The following ZBTB20 variants were observed in gnomAD, a reference collection of about 807,000 sequenced individuals.
The protein encoded by ZBTB20 is zinc finger and BTB domain containing 20.
In ZBTB20, 9 loss-of-function variants were observed where a neutral mutation model predicts 56.9. The observed-to-expected ratio is 0.16, with a 90% CI of 0.10 to 0.28. The LOEUF (loss-of-function observed/expected upper bound fraction) is 0.28, where lower values mean the gene tolerates loss of function less well. Ranked by LOEUF, ZBTB20 falls within the 10% of genes least tolerant of loss-of-function variation. The probability of loss-of-function intolerance (pLI) is 1.00; values close to 1 mark genes in which losing one functional copy is unlikely to be tolerated. For missense variants in ZBTB20, 655 were observed against 1,003.0 expected (o/e 0.65, Z 4.69); for synonymous variants, 417 against 420.7 (o/e 0.99, Z 0.11).
chr3:114,333,053 T>A lies in ZBTB20; in HGVS notation c.*5952A>T, dbSNP rs1207935539. On this transcript the variant is annotated 3_prime_UTR_variant, in exon 12 of 12. Coordinates refer to ENST00000675478, the MANE Select transcript of ZBTB20 (RefSeq NM_001348800.3). ...GGATCGGCTAAGGTACATTGCTGAC[T>A]GCTATAGACTCAGTGTTCAAGGAGA... 6.6e-6 allele frequency: 1 copy of A among 152,200 alleles called. No homozygotes were observed. The highest frequency in any genetic ancestry group is 2.4e-5 in the African/African-American group (1 of 41,450). The allele number at this position is 152,200 out of a possible 1,614,324, so 9.4% of individuals were successfully genotyped here. A position where few individuals can be genotyped will look rare whatever the true frequency, so the allele number is the denominator to read the frequency against.
chr3:114,932,920 T>C (rs951865293), intron 3 of ZBTB20, among the ~76,000 whole-genome samples: 1 of 152,216 alleles, frequency 6.6e-6, no homozygotes, highest in East Asian at 1.9e-4. Context: ...ATGCTAGTTC[T>C]AAGCCAAGGC....
intron 4 of ZBTB20, among the ~76,000 whole-genome samples, chr3:114,838,334 T>G (rs761048553): frequency 6.6e-6 from 1 of 152,206 alleles, no homozygotes; most frequent in African/African-American, 2.4e-5. Context: ...CCTAATTATA[T>G]TAGCTTAAAT....
chr3:114,991,524 C>A (rs2078809235), intron 2 of ZBTB20, among the ~76,000 whole-genome samples: 1 of 151,982 alleles, frequency 6.6e-6, no homozygotes, highest in African/African-American at 2.4e-5. Flanking sequence ...TTACTTCCAA[C>A]TATGTGGTCA....
chr3:114,880,047 A>G (rs1241346359), intron 4 of ZBTB20, among the ~76,000 whole-genome samples: 4 of 152,378 alleles, frequency 2.6e-5, no homozygotes, highest in Non-Finnish European at 5.9e-5. Flanking sequence ...TGCATTTGCC[A>G]GTTAATGTAC....
intron 6 of ZBTB20, among the ~76,000 whole-genome samples, chr3:114,660,118 A>T (rs2108068769): frequency 6.6e-6 from 1 of 152,278 alleles, no homozygotes; most frequent in African/African-American, 2.4e-5. Context: ...TAAGAAAATA[A>T]AAAATAAATA....
In ZBTB20 at chr3:114,755,016, C is replaced by T. The variant is rs139411202; in HGVS notation, c.-343+46085G>A. Among the ~76,000 whole-genome samples, 5 of 152,258 alleles carry T rather than the reference C, an allele frequency of 3.3e-5. No individual in the cohort carries two copies. In the East Asian group the frequency reaches 9.7e-4, roughly 29 times the overall value. ...TATGCACAACTAACCTGGGCAGTTT[C>T]CTAAACTGCAGATCCAGGCTACATT... is the stretch of plus-strand genomic sequence containing the variant. On this transcript the variant is annotated intron_variant, in intron 5 of 11. Transcript: ENST00000675478.
intron 6 of ZBTB20, among the ~76,000 whole-genome samples, chr3:114,551,895 T>G (rs1051307973): frequency 2.6e-5 from 4 of 152,172 alleles, no homozygotes; most frequent in Admixed American, 2.6e-4. Context: ...ACACTTTTAT[T>G]TCTATAAATA....
chr3:114,647,262 C>A (rs2059899697), intron 6 of ZBTB20, among the ~76,000 whole-genome samples: 1 of 152,170 alleles, frequency 6.6e-6, no homozygotes, highest in South Asian at 2.1e-4. Flanking sequence ...CCGGCCAAGG[C>A]AGTTTTATAC....
chr3:114,420,214 T>C (rs1241459335), intron 7 of ZBTB20, among the ~76,000 whole-genome samples: 1 of 152,066 alleles, frequency 6.6e-6, no homozygotes. Flanking sequence ...TATAGATAGA[T>C]ATGGGGAAGC....
Position 114,419,478 on chromosome 3 carries a change from A to G in ZBTB20, c.-254-30373T>C, listed in dbSNP as rs184113347. ...AACACACATTTGGTACTGTGGGTAT[A>G]TATTTAATGCTGTCACATTGAGGCT... On this transcript the variant is annotated intron_variant, in intron 7 of 11. Coordinates refer to ENST00000675478, the MANE Select transcript of ZBTB20 (RefSeq NM_001348800.3). 2.5e-3 allele frequency among the ~76,000 whole-genome samples: 388 copies of G among 152,214 alleles called. 1 individual carries two copies. Among genetic ancestry groups the G allele is most frequent in the African/African-American group, 8.2e-3 (341 of 41,556 alleles).
At chr3:114,528,439 C>CA (rs1287542662) in intron 6 of ZBTB20, among the ~76,000 whole-genome samples, 3 of 150,694 alleles carry the variant, frequency 2.0e-5, no homozygotes, top group East Asian at 1.9e-4. Context: ...GGATAAAAAA[C>CA]AAAAAAAAAT....
chr3:114,635,352 T>A (rs1003860539), intron 6 of ZBTB20, among the ~76,000 whole-genome samples: 1 of 152,048 alleles, frequency 6.6e-6, no homozygotes. Context: ...TCAAAACTCA[T>A]CTGTAGAGAC....
intron 4 of ZBTB20, among the ~76,000 whole-genome samples, chr3:114,898,372 T>C (rs1325885794): frequency 6.6e-6 from 1 of 152,100 alleles, no homozygotes; most frequent in Non-Finnish European, 1.5e-5. Flanking sequence ...TTAAAGCACA[T>C]TGCAAATAGT....
chr3:114,461,899 GA>G (rs1263768950), intron 7 of ZBTB20, among the ~76,000 whole-genome samples: 3 of 152,150 alleles, frequency 2.0e-5, no homozygotes, highest in African/African-American at 7.2e-5. Flanking sequence ...CAAGGCTAAT[GA>G]AAAAACACGT....
intron 3 of ZBTB20, among the ~76,000 whole-genome samples, chr3:114,916,468 A>G (rs1247877399): frequency 6.6e-6 from 1 of 152,104 alleles, no homozygotes; most frequent in Non-Finnish European, 1.5e-5. Flanking sequence ...AATAGTAATA[A>G]TATTTTTACT....
intron 4 of ZBTB20, among the ~76,000 whole-genome samples, chr3:114,851,539 A>C (rs1324258390): frequency 6.6e-6 from 1 of 151,752 alleles, no homozygotes; most frequent in Non-Finnish European, 1.5e-5. Context: ...AATTTTGTGC[A>C]TTTGTGGGAT....
In ZBTB20 at chr3:114,319,177, G is replaced by A. The variant is rs1411265672; in HGVS notation, c.*19828C>T. The A allele has an allele frequency of 1.4e-5, 2 of 141,156 alleles. No individual in the cohort carries two copies. Among genetic ancestry groups the A allele is most frequent in the Non-Finnish European group, 3.1e-5 (2 of 65,222 alleles). 8.7% of individuals were successfully genotyped at this position (141,156 alleles called of 1,614,324 possible). On this transcript the variant is annotated 3_prime_UTR_variant, in exon 12 of 12. Coordinates refer to ENST00000675478, the MANE Select transcript of ZBTB20 (RefSeq NM_001348800.3). The stretch of plus-strand genomic sequence containing the variant: ...TTTTCTTTTTTTTTTTTTAAATAAT[G>A]TCTTCACCAAAAAAACAGTCTTGTA...
chr3:115,057,391 C>A (rs2081843492), intron 2 of ZBTB20, among the ~76,000 whole-genome samples: 1 of 151,750 alleles, frequency 6.6e-6, no homozygotes, highest in Admixed American at 6.6e-5. Context: ...CAATATGTAA[C>A]TTTTAACTTA....
chr3:114,506,977 A>G (rs368022193), intron 6 of ZBTB20, among the ~76,000 whole-genome samples: 1 of 152,182 alleles, frequency 6.6e-6, no homozygotes, highest in South Asian at 2.1e-4. Flanking sequence ...CGACACTCCA[A>G]TGTTTGTTGA....
Sources: gnomAD v4.1 joint callset for allele counts (sites outside exome capture counted in the v4.1 genomes callset) on GRCh38, gnomAD v4.1.1 for gene constraint, MANE v1.5 for transcripts, NCBI Gene and HGNC (gene_info 2026-07-23, HGNC 2026-07-21) for gene names.